EVC: variants seen among roughly 807,000 people sequenced by gnomAD.
The protein encoded by EVC is evC complex member EVC.
A neutral mutation model predicts 118.9 loss-of-function variants in EVC; 116 were observed. The observed-to-expected ratio is 0.98, with a 90% CI of 0.84 to 1.14. The LOEUF (loss-of-function observed/expected upper bound fraction) is 1.14. EVC is among the 50% of genes most tolerant of loss of function. The pLI is 0.00. For missense variants in EVC, 1,401 were observed against 1,246.4 expected, an observed-to-expected ratio of 1.12 and a Z score of -1.87; for synonymous variants, 619 against 534.7, an observed-to-expected ratio of 1.16 and a Z score of -2.18.
chr4:5,759,978 C>G (rs542522915), intron 11 of EVC, among the ~76,000 whole-genome samples: 15 of 151,674 alleles, frequency 9.9e-5, no homozygotes, highest in Non-Finnish European at 2.1e-4. Context: ...GAAGCAAAGA[C>G]AGGAAGACTC....
chr4:5,781,330 G>T (rs867230845), intron 11 of EVC, among the ~76,000 whole-genome samples: 1 of 152,166 alleles, frequency 6.6e-6, no homozygotes, highest in Admixed American at 6.5e-5. Context: ...CGCTATCTCA[G>T]GGAGCTGTGG....
rs1729644812 is a variant in EVC, at chr4:5,748,116, C to G, written c.940-32C>G. On this transcript the variant is annotated intron_variant, in intron 7 of 20. Coordinates refer to ENST00000264956, the MANE Select transcript of EVC (RefSeq NM_153717.3). ...TGGCTTTCTTAAGTAAGTTTTTCAC[C>G]TCACTTCTTGCTGCTTGTGCTCATT... 2.5e-6 allele frequency: 4 copies of G among 1,613,802 alleles called. No homozygotes were observed. The African/African-American group carries it at 4.0e-5, about 16-fold the overall frequency.
intron 11 of EVC, among the ~76,000 whole-genome samples, chr4:5,776,533 C>G (rs930347480): frequency 6.6e-6 from 1 of 152,180 alleles, no homozygotes; most frequent in East Asian, 1.9e-4. Context: ...TCAGTTTCCT[C>G]ATCTGTAAAT....
the EVC span, chr4:5,825,543 G>C: frequency 6.3e-7 from 1 of 1,593,786 alleles, no homozygotes; most frequent in Non-Finnish European, 8.5e-7. This position sits in a 1 kb window ranked among gnomAD's most constrained non-coding sequence, Gnocchi z 4.4. Context: ...GTGGGGGCTG[G>C]TGTTTAGAAG....
downstream of EVC, among the ~76,000 whole-genome samples, chr4:5,817,073 G>A (rs926391005): frequency 3.3e-5 from 5 of 152,338 alleles, no homozygotes; most frequent in African/African-American, 1.2e-4. Flanking sequence ...AGGTCACAGG[G>A]CCGCCTGGCC....
chr4:5,730,681 A>G (rs966918830), intron 3 of EVC, among the ~76,000 whole-genome samples: 3 of 151,858 alleles, frequency 2.0e-5, no homozygotes, highest in Admixed American at 6.6e-5. Flanking sequence ...TGGAGCCAGT[A>G]TGGGGTCCAG....
rs1577455180 is a variant in EVC, at chr4:5,756,555, T to C, written c.1563+193T>C. On this transcript the variant is annotated intron_variant, in intron 11 of 20. Coordinates refer to ENST00000264956, the MANE Select transcript of EVC (RefSeq NM_153717.3). This position sits in a 1 kb window ranked among gnomAD's most constrained non-coding sequence, Gnocchi z 4.2. ...ACATCAGAAACCGAGGCAGTTGGCC[T>C]TGGTCCTCTCTGAGGCACCGTCCAT... Among the ~76,000 whole-genome samples the C allele has an allele frequency of 1.3e-5, 2 of 152,206 alleles. No individual in the cohort carries two copies. Among genetic ancestry groups the C allele is most frequent in the African/African-American group, 4.8e-5 (2 of 41,462 alleles).
At chr4:5,787,976 C>G (rs1324301915) in intron 12 of EVC, among the ~76,000 whole-genome samples, 1 of 152,178 alleles carries the variant, frequency 6.6e-6, no homozygotes, top group African/African-American at 2.4e-5. Flanking sequence ...GCTTGACTCT[C>G]TTGCTTCTCC....
chr4:5,721,867 AAAAT>A (rs1016209467), intron 2 of EVC, among the ~76,000 whole-genome samples: 4 of 152,344 alleles, frequency 2.6e-5, no homozygotes, highest in East Asian at 1.9e-4. Flanking sequence ...ACTCTGTCTC[AAAAT>A]AAATAAATAA....
chr4:5,759,372 C>T (rs1191693572), intron 11 of EVC, among the ~76,000 whole-genome samples: 1 of 152,172 alleles, frequency 6.6e-6, no homozygotes, highest in Non-Finnish European at 1.5e-5. Context: ...ACTACCTATC[C>T]TGCCTTACGT....
chr4:5,725,491 T>C (rs1032314777), intron 2 of EVC, among the ~76,000 whole-genome samples: 1 of 152,238 alleles, frequency 6.6e-6, no homozygotes, highest in Non-Finnish European at 1.5e-5. Flanking sequence ...TGAGCTTTTT[T>C]TCATATGTTT....
intron 12 of EVC, among the ~76,000 whole-genome samples, chr4:5,788,947 C>T (rs1025533041): frequency 5.3e-5 from 8 of 152,158 alleles, no homozygotes; most frequent in African/African-American, 1.9e-4. Flanking sequence ...GTGTGTGGCC[C>T]AAGTCAGTTC....
chr4:5,781,155 A>G (rs1344497862), intron 11 of EVC, among the ~76,000 whole-genome samples: 1 of 152,192 alleles, frequency 6.6e-6, no homozygotes, highest in Non-Finnish European at 1.5e-5. Context: ...CCTTGCCAGA[A>G]AAGGAGACCT....
intron 11 of EVC, among the ~76,000 whole-genome samples, chr4:5,769,603 A>G (rs1440273605): frequency 5.3e-5 from 8 of 152,142 alleles, no homozygotes; most frequent in African/African-American, 1.7e-4. Context: ...TGTCATCCCA[A>G]TAACAGCGGG....
chr4:5,753,884 G>C lies in EVC; in HGVS notation c.1415G>C (p.Ser472Thr). The C allele has an allele frequency of 6.2e-7, 1 of 1,613,910 alleles. No individual in the cohort carries two copies. Among genetic ancestry groups the C allele is most frequent in the Non-Finnish European group, 8.5e-7 (1 of 1,180,054 alleles). Residue 472 changes from serine to threonine, a missense_variant, in exon 10 of 21, where the codon AGC becomes ACC. By Grantham distance (58) the Ser-to-Thr change is moderately conservative. Transcript: ENST00000264956. ...LTLAQEEEQR[S>T]FLAEAQPTAD... ...CTGGCCCAAGAGGAGGAACAGAGAA[G>C]CTTCCTGGCTGAGGCCCAGCCGACT...
chr4:5,805,456 C>G (rs1052906533), intron 17 of EVC, among the ~76,000 whole-genome samples: 2 of 152,194 alleles, frequency 1.3e-5, no homozygotes, highest in East Asian at 3.9e-4. Flanking sequence ...AGGAAACGCC[C>G]TGCTGCAGGG....
chr4:5,720,728 T>C (rs1434688675), intron 2 of EVC, among the ~76,000 whole-genome samples: 1 of 152,168 alleles, frequency 6.6e-6, no homozygotes, highest in Non-Finnish European at 1.5e-5. Context: ...TGGGGAAGCC[T>C]CTGCTGCTAT....
At chr4:5,750,150 C>T (rs548304148) in intron 8 of EVC, among the ~76,000 whole-genome samples, 4 of 152,284 alleles carry the variant, frequency 2.6e-5, no homozygotes, top group Admixed American at 1.3e-4. Flanking sequence ...CTAAGATCCC[C>T]GTCCTCTCTA....
chr4:5,719,399 G>A lies in EVC; in HGVS notation c.300+26G>A, dbSNP rs752429053. 1.9e-6 allele frequency: 3 copies of A among 1,614,018 alleles called. No individual in the cohort carries two copies. The highest frequency in any genetic ancestry group is 2.2e-5 in the South Asian group (2 of 91,080). ...GTAAGCTTGGTGTTGATGTTTGTTT[G>A]TGGAGGCACATGTGGGAGGTGGGGT... is the stretch of plus-strand genomic sequence containing the variant. On this transcript the variant is annotated intron_variant, in intron 2 of 20. Coordinates refer to ENST00000264956, the MANE Select transcript of EVC (RefSeq NM_153717.3). This position sits in a 1 kb window ranked among gnomAD's most constrained non-coding sequence, Gnocchi z 4.7.
Sources: allele counts gnomAD v4.1 joint callset (sites outside exome capture counted in the v4.1 genomes callset), GRCh38; gene constraint gnomAD v4.1.1; non-coding constraint Gnocchi (gnomAD v3.1); transcripts MANE v1.5; gene names NCBI Gene and HGNC (gene_info 2026-07-23, HGNC 2026-07-21).